Variants in CTNNA3 observed in about 807,000 individuals in gnomAD.
CTNNA3 encodes the protein catenin alpha-3.
Under a neutral mutation model 95.7 loss-of-function variants are expected in CTNNA3, and 76 were observed. The ratio of observed to expected loss-of-function variants is 0.79; its 90% CI spans 0.66 to 0.96. CTNNA3 has a LOEUF of 0.96. Among genes scored for constraint, CTNNA3 ranks in the 40% least tolerant of loss-of-function variants. The pLI, the probability that CTNNA3 is intolerant of heterozygous loss-of-function variation, is 0.00. For missense variants in CTNNA3, 1,191 were observed against 1,089.8 expected (o/e 1.09, Z -1.31); for synonymous variants, 431 against 374.4 (o/e 1.15, Z -1.74).
chr10:67,244,422 C>T (rs1426645117), intron 5 of CTNNA3, among the ~76,000 whole-genome samples: 1 of 152,148 alleles, frequency 6.6e-6, no homozygotes, highest in Non-Finnish European at 1.5e-5. Flanking sequence ...CCTATGTTAA[C>T]CAATAACTAG....
chr10:66,420,628 A>G (rs564917792), intron 11 of CTNNA3, among the ~76,000 whole-genome samples: 8 of 151,752 alleles, frequency 5.3e-5, no homozygotes, highest in African/African-American at 1.9e-4. Context: ...GTGAAACCCC[A>G]TCTCTACTAA....
chr10:66,487,306 G>T (rs377494171), intron 11 of CTNNA3, among the ~76,000 whole-genome samples: 1 of 139,496 alleles, frequency 7.2e-6, no homozygotes, highest in African/African-American at 2.7e-5. Flanking sequence ...GGTTCACGCT[G>T]TTCTCCTGCC....
intron 13 of CTNNA3, among the ~76,000 whole-genome samples, chr10:66,135,802 C>T (rs961569794): frequency 3.3e-5 from 5 of 152,090 alleles, no homozygotes; most frequent in Admixed American, 1.3e-4. Flanking sequence ...CACTGGTGTT[C>T]TGCTAAATGT....
intron 7 of CTNNA3, among the ~76,000 whole-genome samples, chr10:66,958,090 C>T (rs1360628457): frequency 6.6e-6 from 1 of 151,980 alleles, no homozygotes; most frequent in Non-Finnish European, 1.5e-5. Flanking sequence ...CCTTGCTGGC[C>T]TTCAGTACCA....
chr10:66,322,457 A>C (rs35891270), intron 12 of CTNNA3, among the ~76,000 whole-genome samples: 1 of 151,802 alleles, frequency 6.6e-6, no homozygotes, highest in African/African-American at 2.4e-5. Context: ...AAGAGACAGA[A>C]ATCAAAGTTC....
At chr10:66,280,401 C>T in intron 13 of CTNNA3, 69 bp downstream of exon 13, 1 of 1,321,492 alleles carries the variant, frequency 7.6e-7, no homozygotes, top group Non-Finnish European at 1.1e-6. Context: ...GCATTTCTTG[C>T]AGTCATCCCA....
intron 7 of CTNNA3, among the ~76,000 whole-genome samples, chr10:67,159,406 T>C (rs1054710729): frequency 5.3e-5 from 8 of 152,198 alleles, no homozygotes; most frequent in African/African-American, 1.9e-4. Context: ...GGAATCATAC[T>C]TCTGGATTTC....
intron 4 of CTNNA3, among the ~76,000 whole-genome samples, chr10:67,532,894 C>T (rs1421531133): frequency 6.6e-6 from 1 of 152,206 alleles, no homozygotes; most frequent in Non-Finnish European, 1.5e-5. Context: ...AATCACCCAG[C>T]TAATCAACAA....
At chr10:66,184,977 G>A (rs67879924) in intron 13 of CTNNA3, among the ~76,000 whole-genome samples, 7,206 of 152,250 alleles carry the variant, frequency 0.047, 216 homozygotes, top group African/African-American at 0.066. Flanking sequence ...AATATTCACT[G>A]GAAGAGTATT....
chr10:66,836,485 T>G (rs1450358994), intron 7 of CTNNA3, among the ~76,000 whole-genome samples: 1 of 152,042 alleles, frequency 6.6e-6, no homozygotes, highest in East Asian at 1.9e-4. Flanking sequence ...AGAACTTGAT[T>G]TGGGAATGGT....
chr10:66,161,092 C>T (rs1260222554), intron 13 of CTNNA3, among the ~76,000 whole-genome samples: 5 of 152,134 alleles, frequency 3.3e-5, no homozygotes, highest in South Asian at 2.1e-4. Context: ...AGGTGAGTCT[C>T]CTGAAGGCCC....
chr10:66,972,964 G>A (rs1373205599), intron 7 of CTNNA3, among the ~76,000 whole-genome samples: 3 of 152,022 alleles, frequency 2.0e-5, no homozygotes, highest in African/African-American at 7.2e-5. Context: ...ACAGTAGAGA[G>A]AAATAACATT....
At chr10:66,242,920 T>C (rs898584584) in intron 13 of CTNNA3, among the ~76,000 whole-genome samples, 4 of 152,232 alleles carry the variant, frequency 2.6e-5, no homozygotes, top group Non-Finnish European at 2.9e-5. Flanking sequence ...TCTTGAGGCA[T>C]GTTAATACAA....
At chr10:66,086,638 C>A (rs555850810) in intron 14 of CTNNA3, among the ~76,000 whole-genome samples, 1 of 152,048 alleles carries the variant, frequency 6.6e-6, no homozygotes, top group Non-Finnish European at 1.5e-5. Context: ...TATCACTATT[C>A]TTTTCTTAAA....
chr10:66,081,884 C>T (rs1431783135), intron 14 of CTNNA3, among the ~76,000 whole-genome samples: 2 of 151,864 alleles, frequency 1.3e-5, no homozygotes, highest in Non-Finnish European at 2.9e-5. Context: ...TGGGAGGCTG[C>T]GGTGGGCGGA....
At chr10:67,234,549 C>A (rs528087209) in intron 5 of CTNNA3, among the ~76,000 whole-genome samples, 2 of 152,170 alleles carry the variant, frequency 1.3e-5, no homozygotes, top group South Asian at 4.2e-4. Context: ...AACCCACAGC[C>A]AATATCATAC....
chr10:67,434,252 C>T (rs1360072195), intron 5 of CTNNA3, among the ~76,000 whole-genome samples: 1 of 151,974 alleles, frequency 6.6e-6, no homozygotes, highest in East Asian at 1.9e-4. Flanking sequence ...TAAGTTACCT[C>T]AACTCTCCAT....
intron 5 of CTNNA3, among the ~76,000 whole-genome samples, chr10:67,323,982 A>C (rs567342579): frequency 6.6e-6 from 1 of 152,112 alleles, no homozygotes; most frequent in Admixed American, 6.5e-5. Context: ...GACACCTGTG[A>C]ATGAGATTAT....
At chr10:66,125,878 A>G (rs2082806701) in intron 13 of CTNNA3, among the ~76,000 whole-genome samples, 1 of 152,206 alleles carries the variant, frequency 6.6e-6, no homozygotes, top group Admixed American at 6.5e-5. Context: ...GGTGAAGCGC[A>G]GGCCTTTTTT....
Sources: allele counts gnomAD v4.1 joint callset (sites outside exome capture counted in the v4.1 genomes callset), GRCh38; gene constraint gnomAD v4.1.1; transcripts MANE v1.5; gene names NCBI Gene and HGNC (gene_info 2026-07-23, HGNC 2026-07-21).